Variants in UNC79 observed in about 807,000 individuals in gnomAD.
UNC79 encodes protein unc-79 homolog.
Under a neutral mutation model 283.1 loss-of-function variants are expected in UNC79, and 37 were observed. That is an observed-to-expected ratio of 0.13 (90% confidence interval 0.10 to 0.17). The LOEUF (loss-of-function observed/expected upper bound fraction) is 0.17, where lower values mean the gene tolerates loss of function less well. Ranked by LOEUF, UNC79 falls within the 10% of genes least tolerant of loss-of-function variation. The pLI is 1.00. For missense variants in UNC79, 2,272 were observed against 3,211.1 expected (o/e 0.71, Z 7.07); for synonymous variants, 1,107 against 1,200.2 (o/e 0.92, Z 1.61).
intron 23 of UNC79, among the ~76,000 whole-genome samples, chr14:93,595,535 C>T (rs2065017940): frequency 6.6e-6 from 1 of 152,172 alleles, no homozygotes; most frequent in Admixed American, 6.5e-5. Flanking sequence ...TTTCTACACA[C>T]ACCCTTGCTG....
At chr14:93,701,542 G>A (rs2075530282) in intron 47 of UNC79, among the ~76,000 whole-genome samples, 2 of 151,934 alleles carry the variant, frequency 1.3e-5, no homozygotes, top group South Asian at 4.1e-4. Flanking sequence ...TGAAGAGGGG[G>A]GAGAAAAAAA....
At chr14:93,454,318 TA>T (rs2056735313) in intron 1 of UNC79, among the ~76,000 whole-genome samples, 1 of 152,236 alleles carries the variant, frequency 6.6e-6, no homozygotes, top group South Asian at 2.1e-4. Flanking sequence ...GTGCTGGGAT[TA>T]CAGGCATGAG....
At position 93,532,589 on chromosome 14, in the gene UNC79, AC is replaced by A. The variant is rs1193392584; in HGVS notation, c.1122+13del. On this transcript the variant is annotated intron_variant, in intron 11 of 48. Transcript: ENST00000555664. Reference sequence around the variant, plus strand: ...ATATGTCAGAAAAAGGTAAGAGCAAACCATTTGTGTCGTTGGGGCATGATTT... The same window carrying A: ...ATATGTCAGAAAAAGGTAAGAGCAAACATTTGTGTCGTTGGGGCATGATTT... 3.1e-6 allele frequency: 5 copies of A among 1,610,464 alleles called. No individual in the cohort carries two copies. In the Admixed American group the frequency reaches 6.7e-5, roughly 22 times the overall value.
chr14:93,467,971 C>T lies in UNC79; in HGVS notation c.143+180C>T, dbSNP rs111573566. Among the ~76,000 whole-genome samples, 1,110 of 151,992 alleles carry T rather than the reference C, an allele frequency of 7.3e-3. 12 individuals carry two copies. The highest frequency in any genetic ancestry group is 0.025 in the African/African-American group (1,042 of 41,410). On this transcript the variant is annotated intron_variant, in intron 2 of 48. Transcript: ENST00000555664. ...GTAGCAAATTGGATCCCAGGCCCAGCTGAAAAAGATTGGTTGCCTGGCTAC... is the reference window on the plus strand; with the variant it reads ...GTAGCAAATTGGATCCCAGGCCCAGTTGAAAAAGATTGGTTGCCTGGCTAC...
exon 37 of UNC79, chr14:93,653,972 C>T (rs1336120400): frequency 6.2e-7 from 1 of 1,614,054 alleles, no homozygotes; most frequent in Non-Finnish European, 8.5e-7. Context: ...AGCCTCGTCT[C>T]TGATGGACTT....
chr14:93,666,065 T>TTGTGTGTG (rs3993787), intron 40 of UNC79, among the ~76,000 whole-genome samples: 2 of 150,014 alleles, frequency 1.3e-5, no homozygotes, highest in Admixed American at 6.6e-5. Context: ...GGGTGTGTGT[T>TTGTGTGTG]TGTGTGTGTG....
intron 1 of UNC79, among the ~76,000 whole-genome samples, chr14:93,464,325 C>A (rs2057073697): frequency 6.6e-6 from 1 of 152,178 alleles, no homozygotes; most frequent in South Asian, 2.1e-4. Context: ...TCTCCTGAGG[C>A]CTCTCTCCTT....
At chr14:93,612,752 A>C in intron 26 of UNC79, 45 bp from the exon 28 acceptor site, 1 of 1,593,168 alleles carries the variant, frequency 6.3e-7, no homozygotes, top group Non-Finnish European at 8.6e-7. Context: ...GTGTCACTTC[A>C]CTTGTGAGTG....
At chr14:93,522,997 TA>T (rs1270196885) in intron 7 of UNC79, among the ~76,000 whole-genome samples, 1 of 152,202 alleles carries the variant, frequency 6.6e-6, no homozygotes, top group African/African-American at 2.4e-5. Context: ...ATTGAATATG[TA>T]ACTAAGTAAG....
intron 5 of UNC79, among the ~76,000 whole-genome samples, chr14:93,493,425 G>A (rs1440025935): frequency 6.6e-6 from 1 of 152,162 alleles, no homozygotes; most frequent in Non-Finnish European, 1.5e-5. Flanking sequence ...TGTGGTGTCT[G>A]TCACCCCTGC....
rs1478669687 is a variant in UNC79 at position 93,643,396 on chromosome 14, T to C, written c.5904-161T>C. ...TGTGCTGTTTCTGTATCTGTGGTGA[T>C]GGCAGCACTGGAATCCTCTACTGAT... On this transcript the variant is annotated intron_variant, in intron 33 of 48. Transcript: ENST00000555664. Among the ~76,000 whole-genome samples the C allele has an allele frequency of 2.6e-5, 4 of 152,306 alleles. No homozygotes were observed. The East Asian group carries it at 5.8e-4, about 22-fold the overall frequency.
chr14:93,638,128 G>A (rs1377642597), intron 32 of UNC79, among the ~76,000 whole-genome samples: 1 of 152,160 alleles, frequency 6.6e-6, no homozygotes, highest in East Asian at 1.9e-4. Flanking sequence ...CCTATCATTG[G>A]TAGAAAAGCA....
Position 93,572,174 on chromosome 14 carries a change from G to T in UNC79, c.1946+90G>T, listed in dbSNP as rs766493009. ...CTGTATGCCGGTCACCCTACTAAGCGTTTTATATAATCTCATTTATTTTTT... is the reference window on the plus strand; with the variant it reads ...CTGTATGCCGGTCACCCTACTAAGCTTTTTATATAATCTCATTTATTTTTT... On this transcript the variant is annotated intron_variant, in intron 15 of 48. Transcript: ENST00000555664. 7 of 1,346,048 alleles carry T rather than the reference G, an allele frequency of 5.2e-6. No homozygotes were observed. The African/African-American group carries it at 5.9e-5, about 11-fold the overall frequency. 83.4% of individuals were successfully genotyped at this position (1,346,048 alleles called of 1,614,324 possible).
At chr14:93,408,611 G>A (rs2055273377) in intron 1 of UNC79, among the ~76,000 whole-genome samples, 1 of 152,176 alleles carries the variant, frequency 6.6e-6, no homozygotes, top group Admixed American at 6.5e-5. Flanking sequence ...AAGATTGCTT[G>A]AGCCCAGAAG....
intron 18 of UNC79, among the ~76,000 whole-genome samples, chr14:93,579,464 T>G (rs896257467): frequency 6.6e-6 from 1 of 152,246 alleles, no homozygotes; most frequent in African/African-American, 2.4e-5. Context: ...ATTCTACTGA[T>G]GGAATACTTT....
chr14:93,417,117 C>T (rs1029934137), intron 1 of UNC79, among the ~76,000 whole-genome samples: 6 of 152,160 alleles, frequency 3.9e-5, no homozygotes, highest in South Asian at 2.1e-4. Flanking sequence ...TTCCTAGCCT[C>T]GATGGTCTTT....
chr14:93,587,776 AAG>A (rs1169466650), intron 22 of UNC79, among the ~76,000 whole-genome samples: 1 of 152,216 alleles, frequency 6.6e-6, no homozygotes, highest in Non-Finnish European at 1.5e-5. Flanking sequence ...TGGTTAAACT[AAG>A]ATTCATGGTC....
intron 7 of UNC79, among the ~76,000 whole-genome samples, chr14:93,515,568 G>C (rs1257269683): frequency 1.3e-5 from 2 of 152,062 alleles, no homozygotes; most frequent in African/African-American, 4.8e-5. Context: ...TCTGGTGAAA[G>C]GGTATAATTC....
chr14:93,572,214 G>A, intron 15 of UNC79, 130 bp downstream of exon 15: 1 of 955,596 alleles, frequency 1.0e-6, no homozygotes, highest in Non-Finnish European at 1.5e-6. Context: ...ACCCTGTGGA[G>A]AAACTTGAAG....
Sources: gnomAD v4.1 joint callset for allele counts (sites outside exome capture counted in the v4.1 genomes callset) on GRCh38, gnomAD v4.1.1 for gene constraint, MANE v1.5 for transcripts, NCBI Gene and HGNC (gene_info 2026-07-23, HGNC 2026-07-21) for gene names.